Variants in OPRM1 observed in about 807,000 individuals in gnomAD.
OPRM1 encodes the protein opioid receptor mu 1, also known as mu-type opioid receptor.
Under a neutral mutation model 31.8 loss-of-function variants are expected in OPRM1, and 27 were observed. That is an observed-to-expected ratio of 0.85 (90% confidence interval 0.63 to 1.17). The LOEUF (loss-of-function observed/expected upper bound fraction) is 1.17. Among genes scored for constraint, OPRM1 ranks in the 50% most tolerant of loss-of-function variants. The pLI is 0.00. For synonymous variants in OPRM1, 196 were observed against 189.9 expected, an observed-to-expected ratio of 1.03 and a Z score of -0.26; for missense variants, 536 against 511.1, an observed-to-expected ratio of 1.05 and a Z score of -0.47.
intron 3 of OPRM1, among the ~76,000 whole-genome samples, chr6:154,103,792 G>A (rs1355863357): frequency 6.6e-6 from 1 of 152,164 alleles, no homozygotes; most frequent in Non-Finnish European, 1.5e-5. Context: ...GAGTGTAGCA[G>A]TGAGGACAAC....
intron 3 of OPRM1, chr6:154,221,264 T>C: frequency 6.2e-7 from 1 of 1,613,886 alleles, no homozygotes; most frequent in Non-Finnish European, 8.5e-7. Flanking sequence ...TACACGTTCA[T>C]TTCCTGCACA....
intron 1 of OPRM1, among the ~76,000 whole-genome samples, chr6:154,085,980 T>C (rs1228996905): frequency 6.7e-6 from 1 of 148,774 alleles, no homozygotes; most frequent in East Asian, 2.0e-4. Flanking sequence ...CCCAAGTAGC[T>C]GGGATTGCAG....
At chr6:154,012,464 T>TA (rs1168966223) in intron 1 of OPRM1, among the ~76,000 whole-genome samples, 12 of 152,094 alleles carry the variant, frequency 7.9e-5, no homozygotes, top group Non-Finnish European at 1.2e-4. Flanking sequence ...GTGGCCTTTA[T>TA]GGTGTCATTC....
At chr6:154,228,455 T>A (rs1207088450) in intron 3 of OPRM1, among the ~76,000 whole-genome samples, 1 of 152,236 alleles carries the variant, frequency 6.6e-6, no homozygotes, top group Non-Finnish European at 1.5e-5. Flanking sequence ...AATCTAGTCT[T>A]AAATTCAGAA....
chr6:154,068,831 T>G (rs1475756142), intron 1 of OPRM1, among the ~76,000 whole-genome samples: 1 of 152,218 alleles, frequency 6.6e-6, no homozygotes, highest in Non-Finnish European at 1.5e-5. Flanking sequence ...ACCAACATTG[T>G]GTGAGGATTT....
chr6:154,065,521 C>T (rs1405268070), intron 1 of OPRM1, among the ~76,000 whole-genome samples: 1 of 152,086 alleles, frequency 6.6e-6, no homozygotes, highest in Non-Finnish European at 1.5e-5. Flanking sequence ...ACATTTGATG[C>T]TATCATAAAT....
intron 3 of OPRM1, among the ~76,000 whole-genome samples, chr6:154,229,905 G>A (rs1298703636): frequency 1.3e-5 from 2 of 152,190 alleles, no homozygotes; most frequent in African/African-American, 4.8e-5. Flanking sequence ...AACCAGTGAC[G>A]CTTGCTGAAA....
At position 154,090,157 on chromosome 6, in the gene OPRM1, G is replaced by A; in HGVS notation, c.622G>A (p.Ala208Thr). ...CATTGGTCTTCCTGTAATGTTCATGGCTACAACAAAATACAGGCAAGGTGA... is the reference window on the plus strand; with the variant it reads ...CATTGGTCTTCCTGTAATGTTCATGACTACAACAAAATACAGGCAAGGTGA... The part of the protein sequence containing the change: ...SAIGLPVMFM[A>T]TTKYRQGSID... Residue 208 changes from alanine (A) to threonine (T), a missense_variant, in exon 2 of 4, where the codon GCT (alanine) becomes ACT (threonine). Transcript: ENST00000330432. The A allele has an allele frequency of 6.2e-7, 1 of 1,612,826 alleles. No homozygotes were observed. The highest frequency in any genetic ancestry group is 8.5e-7 in the Non-Finnish European group (1 of 1,179,276).
At chr6:154,225,142 T>C (rs904109322) in intron 3 of OPRM1, among the ~76,000 whole-genome samples, 1 of 152,212 alleles carries the variant, frequency 6.6e-6, no homozygotes, top group African/African-American at 2.4e-5. Flanking sequence ...ACAAGTCAAG[T>C]ATCCCAAATC....
Position 154,206,285 on chromosome 6 carries a change from G to C in OPRM1, c.1165-40408G>C, listed in dbSNP as rs547230171. On this transcript the variant is annotated intron_variant, in intron 3 of 3. Coordinates refer to the OPRM1 transcript ENST00000337049. ...TAAAACTCATACAAGATTTCTGTGAGAGTCAAATGAAATCATTCTTCTCAA... is the reference window on the plus strand; with the variant it reads ...TAAAACTCATACAAGATTTCTGTGACAGTCAAATGAAATCATTCTTCTCAA... Among the ~76,000 whole-genome samples, 3 of 152,290 alleles carry C rather than the reference G, an allele frequency of 2.0e-5. No individual in the cohort carries two copies. The East Asian group carries it at 5.8e-4, about 29-fold the overall frequency.
intron 1 of OPRM1, among the ~76,000 whole-genome samples, chr6:154,032,901 G>A (rs1187069765): frequency 6.6e-6 from 1 of 152,234 alleles, no homozygotes; most frequent in Non-Finnish European, 1.5e-5. Flanking sequence ...GTGCTCATGA[G>A]TTATTTAAGT....
intron 3 of OPRM1, among the ~76,000 whole-genome samples, chr6:154,204,091 G>A (rs535397461): frequency 6.6e-6 from 1 of 152,160 alleles, no homozygotes; most frequent in Non-Finnish European, 1.5e-5. Flanking sequence ...GGAAGTTAAA[G>A]ACATTTCAAA....
chr6:154,203,386 T>G (rs1777230630), intron 3 of OPRM1, among the ~76,000 whole-genome samples: 1 of 152,176 alleles, frequency 6.6e-6, no homozygotes, highest in African/African-American at 2.4e-5. Context: ...GTGTATCAAC[T>G]TACACAGTTG....
intron 3 of OPRM1, among the ~76,000 whole-genome samples, chr6:154,141,306 G>A (rs1223867268): frequency 6.6e-6 from 1 of 152,138 alleles, no homozygotes; most frequent in East Asian, 1.9e-4. Flanking sequence ...CTAACGGTTA[G>A]CTTACCCCTA....
At chr6:154,237,375 C>T (rs952828178) in intron 3 of OPRM1, among the ~76,000 whole-genome samples, 2 of 152,140 alleles carry the variant, frequency 1.3e-5, no homozygotes, top group Non-Finnish European at 2.9e-5. Flanking sequence ...ATCCTTTACA[C>T]GGGGTCGGTA....
chr6:154,080,043 A>C (rs1788744331), intron 1 of OPRM1, among the ~76,000 whole-genome samples: 1 of 152,240 alleles, frequency 6.6e-6, no homozygotes, highest in African/African-American at 2.4e-5. Flanking sequence ...AGCATGGTTA[A>C]TGAAAAATTT....
At chr6:154,204,920 C>A (rs932760997) in intron 3 of OPRM1, among the ~76,000 whole-genome samples, 1 of 152,200 alleles carries the variant, frequency 6.6e-6, no homozygotes, top group Admixed American at 6.5e-5. Context: ...CCCTCCTTCT[C>A]CACTCCTTTC....
At chr6:154,113,779 C>T (rs943834696) in intron 3 of OPRM1, among the ~76,000 whole-genome samples, 1 of 152,128 alleles carries the variant, frequency 6.6e-6, no homozygotes, top group African/African-American at 2.4e-5. Context: ...AGCAGTGTTA[C>T]GGGTTGGCAA....
intron 3 of OPRM1, chr6:154,199,571 C>T (rs1776907708): frequency 7.5e-7 from 1 of 1,336,256 alleles, no homozygotes. Context: ...AATCATCATT[C>T]ATGAGTTTAA....
Sources: gnomAD v4.1 joint callset for allele counts (sites outside exome capture counted in the v4.1 genomes callset) on GRCh38, gnomAD v4.1.1 for gene constraint, MANE v1.5 for transcripts, NCBI Gene and HGNC (gene_info 2026-07-23, HGNC 2026-07-21) for gene names.